MED12L: variants seen among roughly 807,000 people sequenced by gnomAD.
The protein encoded by MED12L is mediator complex subunit 12L.
MED12L carries 60 observed loss-of-function variants against 281.3 expected under a neutral mutation model. The observed-to-expected ratio is 0.21, with a 90% confidence interval of 0.17 to 0.26. The LOEUF (loss-of-function observed/expected upper bound fraction) is 0.26, where lower values mean the gene tolerates loss of function less well. Among genes scored for constraint, MED12L ranks in the 10% least tolerant of loss-of-function variants. The pLI, the probability that MED12L is intolerant of heterozygous loss-of-function variation, is 1.00. For missense variants in MED12L, 2,146 were observed against 2,680.9 expected (o/e 0.80, Z 4.41); for synonymous variants, 974 against 987.2 (o/e 0.99, Z 0.25).
At chr3:151,119,300 A>ACAGTTGT (rs1713371661) in intron 3 of MED12L, among the ~76,000 whole-genome samples, 1 of 145,286 alleles carries the variant, frequency 6.9e-6, no homozygotes, top group Non-Finnish European at 1.5e-5. Flanking sequence ...GCTATAACAA[A>ACAGTTGT]ATACTTCAGA....
intron 16 of MED12L, chr3:151,198,585 C>G (rs758643394): frequency 6.2e-7 from 1 of 1,614,012 alleles, no homozygotes; most frequent in Non-Finnish European, 8.5e-7. Context: ...AGTGTAGCCT[C>G]TTTGGCTTTG....
intron 39 of MED12L, among the ~76,000 whole-genome samples, chr3:151,400,864 T>C (rs1357708804): frequency 6.6e-6 from 1 of 152,194 alleles, no homozygotes; most frequent in Non-Finnish European, 1.5e-5. Context: ...ACTAATGCAC[T>C]TACTAGCTTT....
chr3:151,244,815 T>C (rs1400385435), intron 16 of MED12L, among the ~76,000 whole-genome samples: 1 of 151,984 alleles, frequency 6.6e-6, no homozygotes, highest in Non-Finnish European at 1.5e-5. Context: ...TTCAAAAAAT[T>C]AATGAATCCA....
At chr3:151,208,542 C>T (rs1164874549) in intron 16 of MED12L, among the ~76,000 whole-genome samples, 2 of 151,996 alleles carry the variant, frequency 1.3e-5, no homozygotes, top group East Asian at 1.9e-4. Flanking sequence ...ATTAGCCAGG[C>T]GTGATGGCGG....
intron 16 of MED12L, among the ~76,000 whole-genome samples, chr3:151,228,259 T>C (rs4680254): frequency 0.47 from 70,935 of 151,958 alleles, 17,306 homozygotes; most frequent in Middle Eastern, 0.62. Flanking sequence ...GCGATAATTA[T>C]TAACTGCCTT....
chr3:151,372,119 C>G (rs1369966530), intron 26 of MED12L, among the ~76,000 whole-genome samples: 4 of 152,176 alleles, frequency 2.6e-5, no homozygotes, highest in Non-Finnish European at 5.9e-5. Context: ...TAAGGCAAAA[C>G]TTTTCTCTTG....
chr3:151,393,099 G>A (rs1261917260), intron 38 of MED12L, among the ~76,000 whole-genome samples: 1 of 152,154 alleles, frequency 6.6e-6, no homozygotes, highest in Non-Finnish European at 1.5e-5. Context: ...AGAAGAAGAT[G>A]GCTGAGGCAA....
chr3:151,282,073 A>G (rs745499193), intron 16 of MED12L, among the ~76,000 whole-genome samples: 4 of 152,180 alleles, frequency 2.6e-5, no homozygotes, highest in Non-Finnish European at 5.9e-5. Context: ...AAGTAAGTAC[A>G]GAGACAACTT....
At chr3:151,319,567 T>A (rs1361301060) in intron 16 of MED12L, among the ~76,000 whole-genome samples, 1 of 151,888 alleles carries the variant, frequency 6.6e-6, no homozygotes, top group Non-Finnish European at 1.5e-5. Flanking sequence ...ATTTTTTTCC[T>A]TCTAACATTA....
At chr3:151,121,981 C>T (rs886750577) in intron 3 of MED12L, among the ~76,000 whole-genome samples, 2 of 151,976 alleles carry the variant, frequency 1.3e-5, no homozygotes, top group African/African-American at 4.8e-5. Context: ...CCCAAAGTGC[C>T]GTGATTACAG....
rs545953928 is a variant in MED12L, at chr3:151,189,991, T to G, written c.1754-726T>G. 1.9e-3 allele frequency among the ~76,000 whole-genome samples: 291 copies of G among 152,286 alleles called. 1 individual carries two copies. The highest frequency in any genetic ancestry group is 2.9e-3 in the Non-Finnish European group (197 of 68,002). Reference sequence around the variant, plus strand: ...TAAATTGTGGTTCAATTGTAAAATCTCCTTTGAAAATGTGCACCCATATTC... The same window carrying G: ...TAAATTGTGGTTCAATTGTAAAATCGCCTTTGAAAATGTGCACCCATATTC... On this transcript the variant is annotated intron_variant, in intron 13 of 44. Transcript: ENST00000687756.
chr3:151,118,656 T>G (rs1713243633), intron 3 of MED12L, among the ~76,000 whole-genome samples: 1 of 151,918 alleles, frequency 6.6e-6, no homozygotes, highest in Non-Finnish European at 1.5e-5. Flanking sequence ...AACTTTTTTT[T>G]TTTTTTTTTG....
intron 23 of MED12L, 27 bp downstream of exon 23, chr3:151,366,018 T>A: frequency 2.0e-6 from 3 of 1,526,854 alleles, no homozygotes; most frequent in Non-Finnish European, 2.6e-6. Flanking sequence ...ATTTAAAAAT[T>A]GAACTGTGCA....
intron 16 of MED12L, among the ~76,000 whole-genome samples, chr3:151,283,271 C>T (rs995575873): frequency 6.6e-6 from 1 of 152,202 alleles, no homozygotes; most frequent in African/African-American, 2.4e-5. Context: ...TTGAAGTGTG[C>T]AAACAGATTT....
At chr3:151,392,602 A>C (rs1714414202) in intron 38 of MED12L, among the ~76,000 whole-genome samples, 1 of 152,280 alleles carries the variant, frequency 6.6e-6, no homozygotes, top group Non-Finnish European at 1.5e-5. Context: ...CAGTATGTAC[A>C]GCATGATTCC....
chr3:151,215,055 A>G (rs1727927898), intron 16 of MED12L, among the ~76,000 whole-genome samples: 1 of 152,082 alleles, frequency 6.6e-6, no homozygotes, highest in Non-Finnish European at 1.5e-5. Flanking sequence ...AAACATATAC[A>G]TTCAAATGTT....
chr3:151,117,185 CT>C (rs1204541371), intron 3 of MED12L, among the ~76,000 whole-genome samples: 1 of 150,462 alleles, frequency 6.6e-6, no homozygotes, highest in Non-Finnish European at 1.5e-5. Context: ...CTTTTTTTTT[CT>C]TTTAATTTGT....
At chr3:151,302,101 C>T (rs947606055) in intron 16 of MED12L, among the ~76,000 whole-genome samples, 10 of 152,072 alleles carry the variant, frequency 6.6e-5, no homozygotes, top group Admixed American at 1.3e-4. Context: ...ATAGATGAAC[C>T]GTGAAAACGT....
chr3:151,123,504 G>A (rs1487438731), intron 4 of MED12L, among the ~76,000 whole-genome samples: 1 of 152,124 alleles, frequency 6.6e-6, no homozygotes, highest in Non-Finnish European at 1.5e-5. Flanking sequence ...AGGGGATGTG[G>A]GAGGTTCTTT....
Sources: allele counts gnomAD v4.1 joint callset (sites outside exome capture counted in the v4.1 genomes callset), GRCh38; gene constraint gnomAD v4.1.1; transcripts MANE v1.5; gene names NCBI Gene and HGNC (gene_info 2026-07-23, HGNC 2026-07-21).